Variants in AMPD2 observed in about 807,000 individuals in gnomAD.
The protein encoded by AMPD2 is AMP deaminase 2.
Under a neutral mutation model 91.3 loss-of-function variants are expected in AMPD2, and 52 were observed. That is an observed-to-expected ratio of 0.57 (90% CI 0.46 to 0.72). The LOEUF (loss-of-function observed/expected upper bound fraction) is 0.72, where lower values mean the gene tolerates loss of function less well. Ranked by LOEUF, AMPD2 falls within the 30% of genes least tolerant of loss-of-function variation. The probability of loss-of-function intolerance (pLI) is 0.00; values close to 1 mark genes in which losing one functional copy is unlikely to be tolerated. For synonymous variants in AMPD2, 455 were observed against 456.4 expected (o/e 1.00, Z 0.04); for missense variants, 822 against 1,122.3 (o/e 0.73, Z 3.82).
intron 16 of AMPD2, 143 bp downstream of exon 16, chr1:109,630,059 A>G: frequency 1.4e-6 from 2 of 1,405,148 alleles, no homozygotes; most frequent in Non-Finnish European, 1.9e-6. Context: ...TCCCCACCCC[A>G]GCCTTCAGCC....
chr1:109,625,427 C>T lies in AMPD2; in HGVS notation c.216C>T (p.Ile72=), dbSNP rs1351463033. 3.1e-6 allele frequency: 5 copies of T among 1,613,836 alleles called. No individual in the cohort carries two copies. In the African/African-American group the frequency reaches 4.0e-5, roughly 13 times the overall value. The change falls in exon 3 of 19, where the codon ATC becomes ATT. Residue 72 remains isoleucine, a synonymous_variant. Coordinates refer to ENST00000528667, the MANE Select transcript of AMPD2 (RefSeq NM_001368809.2). The surrounding 1 kb of genome is among the most constrained non-coding windows in gnomAD (Gnocchi z 4.0). ...RTSMDGKCKE[I]AEELFTRSLA... ...CTATGGATGGCAAATGCAAGGAGAT[C>T]GCCGAGGTATCACCTGGCACCACCC... is the stretch of plus-strand genomic sequence containing the variant.
chr1:109,620,833 C>A, intron 1 of AMPD2, 81 bp from the exon 2 acceptor site: 1 of 1,394,464 alleles, frequency 7.2e-7, no homozygotes, highest in Admixed American at 3.3e-5. Context: ...GGGGTGAGGG[C>A]TCTTGGTGGG....
Position 109,619,893 on chromosome 1 carries a change from G to A in AMPD2, c.-648G>A. ...AGATTTTGGTGGGGTCTCACCTGTT[G>A]CGTGACTCCCCCACAGTCCGGCCGC... is the stretch of plus-strand genomic sequence containing the variant. On this transcript the variant is annotated 5_prime_UTR_variant, in exon 1 of 19. Transcript: ENST00000528667. 1 of 311,994 alleles carries A rather than the reference G, an allele frequency of 3.2e-6. No individual in the cohort carries two copies. The highest frequency in any genetic ancestry group is 2.5e-5 in the South Asian group (1 of 40,576). 19.3% of individuals were successfully genotyped at this position (311,994 alleles called of 1,614,324 possible).
chr1:109,628,757 C>A lies in AMPD2; in HGVS notation c.1522C>A (p.Arg508Ser). The change falls in exon 13 of 19, where the codon CGC becomes AGC. Residue 508 changes from arginine (R) to serine (S), a missense_variant. By Grantham distance (110) the Arg-to-Ser change is moderately radical. Transcript: ENST00000528667. This position sits in a 1 kb window ranked among gnomAD's most constrained non-coding sequence, Gnocchi z 7.1. ...DKLARWAVMHRVHSPNVRWLV... is the reference protein window; with the variant it reads ...DKLARWAVMHSVHSPNVRWLV... ...GCTGGCGCGCTGGGCCGTCATGCAC[C>A]GCGTGCACTCCCCCAACGTGCGCTG... 6.3e-7 allele frequency: 1 copy of A among 1,590,312 alleles called. No individual in the cohort carries two copies. Among genetic ancestry groups the A allele is most frequent in the East Asian group, 2.3e-5 (1 of 43,402 alleles).
rs1651219970 is a variant in AMPD2, at chr1:109,631,085, T to C, written c.2411T>C (p.Val804Ala). ...CQELALITQAVQSEMLETIPE... is the reference protein window; with the variant it reads ...CQELALITQAAQSEMLETIPE... Reference sequence around the variant, plus strand: ...GAGCTGGCGCTCATCACGCAGGCAGTCCAGAGTGAGATGCTGGAGACCATT... The same window carrying C: ...GAGCTGGCGCTCATCACGCAGGCAGCCCAGAGTGAGATGCTGGAGACCATT... The change falls in exon 19 of 19, where the codon GTC becomes GCC. Residue 804 changes from valine (V) to alanine (A), a missense_variant. Physicochemically the swap from Val to Ala is moderately conservative, Grantham distance 64. Transcript: ENST00000528667. 6.2e-7 allele frequency: 1 copy of C among 1,612,344 alleles called. No individual in the cohort carries two copies. The highest frequency in any genetic ancestry group is 1.1e-5 in the South Asian group (1 of 90,728).
In AMPD2 at chr1:109,621,116, G is replaced by A. The variant is rs968066579; in HGVS notation, c.-60G>A. ...GCGGAGGAAGGGGTTGGATGTGGCA[G>A]AGCCAGGCCCCAGCCGGTGCCGCTC... On this transcript the variant is annotated 5_prime_UTR_variant, in exon 2 of 19. Coordinates refer to ENST00000528667, the MANE Select transcript of AMPD2 (RefSeq NM_001368809.2). 1 of 1,600,814 alleles carries A rather than the reference G, an allele frequency of 6.2e-7. No individual in the cohort carries two copies. Among genetic ancestry groups the A allele is most frequent in the Non-Finnish European group, 8.5e-7 (1 of 1,174,106 alleles).
chr1:109,620,065 G>A lies in AMPD2; in HGVS notation c.-476G>A. The stretch of plus-strand genomic sequence containing the variant: ...CCGGGGTCGCCTTGAGGCCAGTCCG[G>A]CTGCCGAGGTCTGCGGGAGTCCACC... On this transcript the variant is annotated 5_prime_UTR_variant, in exon 1 of 19. Transcript: ENST00000528667. 1.5e-6 allele frequency: 1 copy of A among 649,932 alleles called. No individual in the cohort carries two copies. Among genetic ancestry groups the A allele is most frequent in the Non-Finnish European group, 2.7e-6 (1 of 376,394 alleles). The allele number at this position is 649,932 out of a possible 1,614,324, so 40.3% of individuals were successfully genotyped here. A position where few individuals can be genotyped will look rare whatever the true frequency, so the allele number is the denominator to read the frequency against.
chr1:109,628,441 C>A lies in AMPD2; in HGVS notation c.1353C>A (p.Ile451=). ...TTGGGGAGTCCGTCCTCCGAGAGAT[C>A]TTCATCAAGACGGACAACAGGGTAT... The part of the protein sequence containing the change: ...NPIGESVLRE[I]FIKTDNRVSG... The change falls in exon 12 of 19, where the codon ATC becomes ATA. Residue 451 remains isoleucine (I), a synonymous_variant. Transcript: ENST00000528667. The surrounding 1 kb of genome is among the most constrained non-coding windows in gnomAD (Gnocchi z 7.1). The A allele has an allele frequency of 6.2e-7, 1 of 1,613,678 alleles. No homozygotes were observed. The highest frequency in any genetic ancestry group is 8.5e-7 in the Non-Finnish European group (1 of 1,180,022).
chr1:109,622,606 T>G (rs933827402), intron 2 of AMPD2, among the ~76,000 whole-genome samples: 1 of 152,152 alleles, frequency 6.6e-6, no homozygotes, highest in Non-Finnish European at 1.5e-5. Context: ...AGGCCTGGCC[T>G]CTGAGAACGT....
At chr1:109,621,866 G>A (rs1021060306) in intron 2 of AMPD2, among the ~76,000 whole-genome samples, 5 of 152,226 alleles carry the variant, frequency 3.3e-5, no homozygotes, top group East Asian at 3.8e-4. Context: ...GGTCAGGTCC[G>A]TGCAGGGTTC....
rs778185309 is a variant in AMPD2 at position 109,626,893 on chromosome 1, C to T, written c.699C>T (p.Pro233=). The change falls in exon 7 of 19, where the codon CCC becomes CCT. Residue 233 remains proline, a synonymous_variant. Transcript: ENST00000528667. ...AGACCCGGACCTATGAACAGGGCCCCGACACCCCTGTGTCTGCTGGTGGGA... is the reference window on the plus strand; with the variant it reads ...AGACCCGGACCTATGAACAGGGCCCTGACACCCCTGTGTCTGCTGGTGGGA... ...PLETRTYEQG[P]DTPVSADAPV... The T allele has an allele frequency of 1.7e-5, 28 of 1,613,244 alleles. No homozygotes were observed. The highest frequency in any genetic ancestry group is 1.3e-4 in the Admixed American group (8 of 59,932).
In AMPD2 at chr1:109,625,906, A is replaced by G; in HGVS notation, c.353+114A>G. 1.3e-6 allele frequency: 2 copies of G among 1,485,430 alleles called. No homozygotes were observed. Among genetic ancestry groups the G allele is most frequent in the Admixed American group, 2.0e-5 (1 of 48,986 alleles). The allele number at this position is 1,485,430 out of a possible 1,614,324, so 92.0% of individuals were successfully genotyped here. A position where few individuals can be genotyped will look rare whatever the true frequency, so the allele number is the denominator to read the frequency against. On this transcript the variant is annotated intron_variant, in intron 4 of 18. Transcript: ENST00000528667. The surrounding 1 kb of genome is among the most constrained non-coding windows in gnomAD (Gnocchi z 4.0). ...GCCTTGGGGGGTCTGCACAGGGAGC[A>G]TAGAGTGGGCTTTGGAGTCGGGCTG... is the stretch of plus-strand genomic sequence containing the variant.
At chr1:109,622,084 C>G in intron 2 of AMPD2, 1 of 396,666 alleles carries the variant, frequency 2.5e-6, no homozygotes, top group Non-Finnish European at 5.1e-6. Context: ...AAGACCCACC[C>G]TGACTTTGAT....
intron 10 of AMPD2, 86 bp from the exon 11 acceptor site, chr1:109,627,997 T>C: frequency 6.2e-7 from 1 of 1,600,024 alleles, no homozygotes; most frequent in East Asian, 2.2e-5. Flanking sequence ...CAGCATCCAG[T>C]ACAGAGGGTC....
In AMPD2 at chr1:109,626,801, C is replaced by T. The variant is rs1165534197; in HGVS notation, c.607C>T (p.Leu203=). ...CTTCATCCGGGAGAAGTACATGGCC[C>T]TGTCCCTGCAGAGCTTCTGCCCCAC... ...ALFIREKYMA[L]SLQSFCPTTR... Residue 203 remains leucine, a synonymous_variant, in exon 7 of 19, where the codon CTG becomes TTG. Coordinates refer to ENST00000528667, the MANE Select transcript of AMPD2 (RefSeq NM_001368809.2). 6.2e-7 allele frequency: 1 copy of T among 1,613,920 alleles called. No homozygotes were observed. Among genetic ancestry groups the T allele is most frequent in the Middle Eastern group, 1.7e-4 (1 of 6,056 alleles).
chr1:109,626,996 C>G (rs960704069), intron 7 of AMPD2, 84 bp downstream of exon 7: 1 of 1,551,900 alleles, frequency 6.4e-7, no homozygotes. Flanking sequence ...TCTGCCCTGC[C>G]TGCCTCTCCC....
At position 109,620,186 on chromosome 1, in the gene AMPD2, C is replaced by T. The variant is rs1014830676; in HGVS notation, c.-355C>T. 20 of 1,590,810 alleles carry T rather than the reference C, an allele frequency of 1.3e-5. No individual in the cohort carries two copies. Among genetic ancestry groups the T allele is most frequent in the South Asian group, 9.9e-5 (9 of 90,572 alleles). The stretch of plus-strand genomic sequence containing the variant: ...AGTGACTTGGCTGGGGTCTGTGGCC[C>T]GATCCCCCTGCCGTCCCTCAGGACC... On this transcript the variant is annotated 5_prime_UTR_variant, in exon 1 of 19. Transcript: ENST00000528667.
chr1:109,623,905 C>A (rs557908784), intron 2 of AMPD2: 1 of 644,768 alleles, frequency 1.6e-6, no homozygotes, highest in African/African-American at 2.0e-5. Context: ...ATGCTCCTTC[C>A]CTTGGTTTCT....
At position 109,621,910 on chromosome 1, in the gene AMPD2, C is replaced by T. The variant is rs149745428; in HGVS notation, c.91+644C>T. 5.9e-5 allele frequency among the ~76,000 whole-genome samples: 9 copies of T among 152,346 alleles called. No individual in the cohort carries two copies. The East Asian group carries it at 1.7e-3, about 29-fold the overall frequency. ...GCTGCTGCCCGCACTGTGTGTGCTT[C>T]TGCACCCTTTGGTTCGTCTCTCACT... On this transcript the variant is annotated intron_variant, in intron 2 of 18. Transcript: ENST00000528667.
Sources: allele counts gnomAD v4.1 joint callset (sites outside exome capture counted in the v4.1 genomes callset), GRCh38; gene constraint gnomAD v4.1.1; non-coding constraint Gnocchi (gnomAD v3.1); transcripts MANE v1.5; gene names NCBI Gene and HGNC (gene_info 2026-07-23, HGNC 2026-07-21).